CADM1: variants seen among roughly 807,000 people sequenced by gnomAD.
The protein encoded by CADM1 is TSLC-1.
Under a neutral mutation model 53.1 loss-of-function variants are expected in CADM1, and 15 were observed. That is an observed-to-expected ratio of 0.28 (90% confidence interval 0.19 to 0.44). The LOEUF is 0.44. Ranked by LOEUF, CADM1 falls within the 20% of genes least tolerant of loss-of-function variation. The pLI, the probability that CADM1 is intolerant of heterozygous loss-of-function variation, is 1.00. For missense variants in CADM1, 434 were observed against 611.3 expected, an observed-to-expected ratio of 0.71 and a Z score of 3.06; for synonymous variants, 281 against 243.0, an observed-to-expected ratio of 1.16 and a Z score of -1.45.
At chr11:115,399,498 T>C (rs1947083316) in intron 1 of CADM1, 1 of 152,150 alleles carries the variant, frequency 6.6e-6, no homozygotes, top group Admixed American at 6.6e-5. Flanking sequence ...TATCCAAGCA[T>C]AAGATTGTCA....
intron 1 of CADM1, among the ~76,000 whole-genome samples, chr11:115,352,435 T>C (rs1381337813): frequency 6.6e-6 from 1 of 152,172 alleles, no homozygotes; most frequent in Non-Finnish European, 1.5e-5. Context: ...TCTAAAACAA[T>C]CTCTAACACA....
rs552309443 is a variant in CADM1, at chr11:115,369,026, T to TAAAAAAA, written c.125-128613_125-128607dup. Among the ~76,000 whole-genome samples the TAAAAAAA allele has an allele frequency of 3.7e-3, 165 of 44,732 alleles. 11 individuals are homozygous for TAAAAAAA. The highest frequency in any genetic ancestry group is 9.4e-3 in the South Asian group (7 of 748). 29.3% of individuals were successfully genotyped at this position (44,732 alleles called of 152,430 possible). On this transcript the variant is annotated intron_variant, in intron 1 of 11. Coordinates refer to ENST00000331581, the MANE Select transcript of CADM1 (RefSeq NM_001301043.2). Reference sequence around the variant, plus strand: ...GTGCCTAGCAGAGTGAAAAAAAATCTAAAAAAAAAAAAAAAAAAAAAAAAA... The same window carrying TAAAAAAA: ...GTGCCTAGCAGAGTGAAAAAAAATCTAAAAAAAAAAAAAAAAAAAAAAAAAAAAAAAA...
At chr11:115,208,429 T>G (rs948864010) in intron 8 of CADM1, among the ~76,000 whole-genome samples, 1 of 152,094 alleles carries the variant, frequency 6.6e-6, no homozygotes, top group African/African-American at 2.4e-5. Flanking sequence ...CCCATGAAAA[T>G]TGGAAATGTC....
intron 1 of CADM1, among the ~76,000 whole-genome samples, chr11:115,314,345 C>T (rs960905046): frequency 1.3e-5 from 2 of 152,110 alleles, no homozygotes; most frequent in Non-Finnish European, 2.9e-5. Context: ...ACATGGTTGC[C>T]TTTTCTTCTC....
At chr11:115,296,361 G>T (rs1944078784) in intron 1 of CADM1, among the ~76,000 whole-genome samples, 2 of 152,186 alleles carry the variant, frequency 1.3e-5, no homozygotes, top group Admixed American at 6.5e-5. Context: ...CTGGTCCCCA[G>T]TGTGGTGGGT....
chr11:115,461,485 G>C (rs1948793718), intron 1 of CADM1, among the ~76,000 whole-genome samples: 1 of 152,218 alleles, frequency 6.6e-6, no homozygotes, highest in Non-Finnish European at 1.5e-5. Context: ...AACTGACCCT[G>C]AGCAAAGCAA....
chr11:115,437,587 G>T (rs1948212357), intron 1 of CADM1, among the ~76,000 whole-genome samples: 1 of 152,182 alleles, frequency 6.6e-6, no homozygotes, highest in African/African-American at 2.4e-5. Context: ...GAAACGGGAA[G>T]ATACCAAAGC....
chr11:115,221,038 G>A (rs1315020138), intron 5 of CADM1, among the ~76,000 whole-genome samples: 1 of 152,140 alleles, frequency 6.6e-6, no homozygotes, highest in East Asian at 1.9e-4. Context: ...TAAGTAATGA[G>A]GTAAAGCCTA....
intron 1 of CADM1, among the ~76,000 whole-genome samples, chr11:115,260,994 C>G (rs1300213528): frequency 6.6e-6 from 1 of 152,064 alleles, no homozygotes; most frequent in African/African-American, 2.4e-5. Context: ...TGCTCTTAAT[C>G]AGACCTTTGG....
In CADM1 at chr11:115,173,907, AAAC is replaced by A. The variant is rs1938893699; in HGVS notation, c.*2564_*2566del. Reference sequence around the variant, plus strand: ...TTTATATTCCTTTAAAAAACACAAAAAACAAGTTTGTTCTTTCTTCACTCTAAA... The same window carrying A: ...TTTATATTCCTTTAAAAAACACAAAAAAGTTTGTTCTTTCTTCACTCTAAA... On this transcript the variant is annotated 3_prime_UTR_variant, in exon 12 of 12. Coordinates refer to ENST00000331581, the MANE Select transcript of CADM1 (RefSeq NM_001301043.2). The A allele has an allele frequency of 1.0e-6, 1 of 969,602 alleles. No individual in the cohort carries two copies. The highest frequency in any genetic ancestry group is 1.8e-5 in the African/African-American group (1 of 56,884). The allele number at this position is 969,602 out of a possible 1,614,324, so 60.1% of individuals were successfully genotyped here.
chr11:115,356,848 T>C (rs901375629), intron 1 of CADM1, among the ~76,000 whole-genome samples: 2 of 152,184 alleles, frequency 1.3e-5, no homozygotes, highest in South Asian at 2.1e-4. Context: ...ACCAATTGCC[T>C]GAAGAAATAT....
intron 1 of CADM1, among the ~76,000 whole-genome samples, chr11:115,386,058 G>A (rs1946692458): frequency 6.6e-6 from 1 of 152,236 alleles, no homozygotes; most frequent in East Asian, 1.9e-4. Flanking sequence ...CAATTTTGAA[G>A]TTTGTTGCCA....
At chr11:115,256,619 A>G (rs774435520) in intron 1 of CADM1, among the ~76,000 whole-genome samples, 1 of 152,214 alleles carries the variant, frequency 6.6e-6, no homozygotes, top group Non-Finnish European at 1.5e-5. Context: ...CTGAAAATTT[A>G]TATACCTAGG....
At chr11:115,186,923 G>A (rs1321169060) in intron 10 of CADM1, among the ~76,000 whole-genome samples, 3 of 152,182 alleles carry the variant, frequency 2.0e-5, no homozygotes, top group East Asian at 1.9e-4. Flanking sequence ...GCTCCTGGAC[G>A]CCATGGCAGC....
At chr11:115,502,223 G>T (rs1949742380) in intron 1 of CADM1, among the ~76,000 whole-genome samples, 1 of 152,028 alleles carries the variant, frequency 6.6e-6, no homozygotes, top group African/African-American at 2.4e-5. Context: ...TCTTGACAGG[G>T]GAGGCATAAT....
chr11:115,335,159 G>T (rs536062121), intron 1 of CADM1, among the ~76,000 whole-genome samples: 5 of 151,938 alleles, frequency 3.3e-5, no homozygotes, highest in Admixed American at 6.6e-5. Flanking sequence ...CCACGTCAGG[G>T]GTGTGGTTCT....
chr11:115,217,441 A>T (rs1460962686), intron 6 of CADM1, among the ~76,000 whole-genome samples: 1 of 152,214 alleles, frequency 6.6e-6, no homozygotes, highest in Non-Finnish European at 1.5e-5. Flanking sequence ...AGGGAAGAAG[A>T]TGCAAAATTA....
intron 1 of CADM1, among the ~76,000 whole-genome samples, chr11:115,404,327 GAA>G (rs1216372271): frequency 0.014 from 84 of 5,794 alleles, no homozygotes; most frequent in South Asian, 0.034. Flanking sequence ...ATCTGTCTCG[GAA>G]AAAAAAAAAA....
chr11:115,185,851 C>T (rs1939519082), intron 10 of CADM1, among the ~76,000 whole-genome samples: 1 of 152,200 alleles, frequency 6.6e-6, no homozygotes, highest in African/African-American at 2.4e-5. Context: ...GAATCTCTCT[C>T]TGGAGAAAGA....
Sources: allele counts gnomAD v4.1 joint callset (sites outside exome capture counted in the v4.1 genomes callset), GRCh38; gene constraint gnomAD v4.1.1; transcripts MANE v1.5; gene names NCBI Gene and HGNC (gene_info 2026-07-23, HGNC 2026-07-21).